The following DTD1 variants were observed in gnomAD, a reference collection of about 807,000 sequenced individuals.
DTD1 encodes D-tyrosyl-tRNA deacylase 1 homolog.
DTD1 carries 13 observed loss-of-function variants against 25.6 expected under a neutral mutation model. The observed-to-expected ratio is 0.51, with a 90% CI of 0.33 to 0.81. The LOEUF is 0.81. Ranked by LOEUF, DTD1 falls within the 30% of genes least tolerant of loss-of-function variation. The pLI, the probability that DTD1 is intolerant of heterozygous loss-of-function variation, is 0.02. For missense variants in DTD1, 193 were observed against 266.4 expected (o/e 0.72, Z 1.92); for synonymous variants, 110 against 103.6 (o/e 1.06, Z -0.37).
At chr20:18,701,590 CTA>C (rs1600379196) in intron 4 of DTD1, among the ~76,000 whole-genome samples, 2 of 152,316 alleles carry the variant, frequency 1.3e-5, no homozygotes, top group Admixed American at 6.5e-5. Context: ...TTCTATTGCA[CTA>C]TGTGAGCTGA....
intron 4 of DTD1, among the ~76,000 whole-genome samples, chr20:18,736,518 A>G (rs1053321664): frequency 6.6e-6 from 1 of 152,182 alleles, no homozygotes; most frequent in African/African-American, 2.4e-5. Context: ...GAGTGATGCT[A>G]TGTGTGTGAA....
At chr20:18,725,847 G>C (rs1470649509) in intron 4 of DTD1, among the ~76,000 whole-genome samples, 1 of 152,224 alleles carries the variant, frequency 6.6e-6, no homozygotes, top group Non-Finnish European at 1.5e-5. Flanking sequence ...GATATCATCA[G>C]TGTTTTCTTT....
chr20:18,591,563 G>T (rs551985247), intron 1 of DTD1, among the ~76,000 whole-genome samples: 1 of 152,012 alleles, frequency 6.6e-6, no homozygotes, highest in African/African-American at 2.4e-5. Context: ...GAATTAAAAT[G>T]TATGAATAGA....
At chr20:18,687,864 A>G (rs80149589) in intron 4 of DTD1, among the ~76,000 whole-genome samples, 1 of 152,236 alleles carries the variant, frequency 6.6e-6, no homozygotes, top group South Asian at 2.1e-4. Flanking sequence ...GTCTTTGGAC[A>G]GTAACAGTAA....
intron 3 of DTD1, among the ~76,000 whole-genome samples, chr20:18,601,766 C>A (rs1307729800): frequency 6.6e-6 from 1 of 152,036 alleles, no homozygotes; most frequent in Non-Finnish European, 1.5e-5. Context: ...CACCGAAAAC[C>A]CATCTGTACA....
rs146801264 is a variant in DTD1, at chr20:18,674,094, T to G, written c.477+45861T>G. Among the ~76,000 whole-genome samples, 215 of 152,214 alleles carry G rather than the reference T, an allele frequency of 1.4e-3. 6 individuals are homozygous for G. The East Asian group carries it at 0.038, about 27-fold the overall frequency. On this transcript the variant is annotated intron_variant, in intron 4 of 5. Coordinates refer to ENST00000377452, the MANE Select transcript of DTD1 (RefSeq NM_080820.6). ...GATTTATATATCCTACTTTGGTGAT[T>G]TTTTTTTCCAATTTACTAACTTGAT...
rs1210561803 is a variant in DTD1 at position 18,680,014 on chromosome 20, A to G, written c.477+51781A>G. The stretch of plus-strand genomic sequence containing the variant: ...GTATATGTATCATTGCTCAGGAATT[A>G]AACTTTGGACACCTTCCTTAGGTGT... On this transcript the variant is annotated intron_variant, in intron 4 of 5. Transcript: ENST00000377452. 2.6e-5 allele frequency among the ~76,000 whole-genome samples: 4 copies of G among 152,168 alleles called. No homozygotes were observed. The South Asian group carries it at 6.2e-4, about 24-fold the overall frequency.
intron 4 of DTD1, among the ~76,000 whole-genome samples, chr20:18,710,637 T>C (rs6081318): frequency 0.31 from 46,983 of 152,156 alleles, 7,875 homozygotes; most frequent in Non-Finnish European, 0.38. Context: ...ATATCAACTT[T>C]AGAAATGACT....
intron 4 of DTD1, among the ~76,000 whole-genome samples, chr20:18,663,845 A>G (rs191133791): frequency 1.3e-5 from 2 of 152,368 alleles, no homozygotes; most frequent in African/African-American, 4.8e-5. Context: ...TTATAAAACC[A>G]TCAGATATCA....
At chr20:18,722,481 A>G (rs191478140) in intron 4 of DTD1, among the ~76,000 whole-genome samples, 2 of 152,322 alleles carry the variant, frequency 1.3e-5, no homozygotes, top group African/African-American at 2.4e-5. Context: ...ATTTATTAAG[A>G]TACTGCATCA....
intron 4 of DTD1, among the ~76,000 whole-genome samples, chr20:18,677,824 C>T (rs905286441): frequency 1.3e-5 from 2 of 152,158 alleles, no homozygotes; most frequent in Non-Finnish European, 2.9e-5. Context: ...AGACAAAGTT[C>T]GGGACTATCT....
intron 4 of DTD1, among the ~76,000 whole-genome samples, chr20:18,648,216 T>C (rs1600342425): frequency 6.6e-6 from 1 of 152,180 alleles, no homozygotes; most frequent in African/African-American, 2.4e-5. Context: ...TCTGTGGCTG[T>C]TGGTGGGCAG....
chr20:18,708,198 T>TATATATTAA (rs2061135149), intron 4 of DTD1, among the ~76,000 whole-genome samples: 2 of 25,166 alleles, frequency 7.9e-5, no homozygotes, highest in East Asian at 1.7e-3. Context: ...ATATATATTA[T>TATATATTAA]ATATATATTT....
chr20:18,703,540 C>T (rs1052352434), intron 4 of DTD1, among the ~76,000 whole-genome samples: 1 of 151,900 alleles, frequency 6.6e-6, no homozygotes. Context: ...CCCAGGTTGT[C>T]ATTTTTCTTA....
At chr20:18,729,947 C>A (rs1296256174) in intron 4 of DTD1, among the ~76,000 whole-genome samples, 2 of 151,952 alleles carry the variant, frequency 1.3e-5, no homozygotes, top group Non-Finnish European at 2.9e-5. Flanking sequence ...TGTATTTGAG[C>A]CCCTCCTCCA....
At chr20:18,631,165 G>A (rs1600331860) in intron 4 of DTD1, 3 of 985,488 alleles carry the variant, frequency 3.0e-6, no homozygotes, top group South Asian at 4.7e-5. Flanking sequence ...TTCTGCCACC[G>A]TGGTAGCAGA....
At chr20:18,608,077 ATTTC>A (rs200556668) in intron 3 of DTD1, among the ~76,000 whole-genome samples, 1,956 of 151,898 alleles carry the variant, frequency 0.013, 95 homozygotes, top group Admixed American at 0.088. Context: ...TCTTTTCTTA[ATTTC>A]TTTTTTTTTT....
intron 4 of DTD1, among the ~76,000 whole-genome samples, chr20:18,704,823 T>A (rs570524789): frequency 6.6e-6 from 1 of 152,122 alleles, no homozygotes; most frequent in South Asian, 2.1e-4. Flanking sequence ...AGGAAGATGA[T>A]CAAGGAGAGG....
chr20:18,630,303 A>G (rs1217284148), intron 4 of DTD1: 2 of 152,096 alleles, frequency 1.3e-5, no homozygotes, highest in Non-Finnish European at 2.9e-5. Flanking sequence ...TAATGTTGAT[A>G]TAGTACTATT....
Sources: allele counts gnomAD v4.1 joint callset (sites outside exome capture counted in the v4.1 genomes callset), GRCh38; gene constraint gnomAD v4.1.1; transcripts MANE v1.5; gene names NCBI Gene and HGNC (gene_info 2026-07-23, HGNC 2026-07-21).